The following SMTNL2 variants were observed in gnomAD, a reference collection of about 807,000 sequenced individuals.
SMTNL2 encodes smoothelin-like protein 2.
SMTNL2 carries 43 observed loss-of-function variants against 44.1 expected under a neutral mutation model. The ratio of observed to expected loss-of-function variants is 0.98; its 90% CI spans 0.76 to 1.26. SMTNL2 has a LOEUF of 1.26. SMTNL2 is among the 50% of genes most tolerant of loss of function. The pLI is 0.00. For synonymous variants in SMTNL2, 317 were observed against 287.6 expected (o/e 1.10, Z -1.03); for missense variants, 646 against 670.2 (o/e 0.96, Z 0.40).
chr17:4,590,621 G>A (rs1042637355), intron 1 of SMTNL2, among the ~76,000 whole-genome samples: 5 of 152,084 alleles, frequency 3.3e-5, no homozygotes, highest in Non-Finnish European at 7.4e-5. Flanking sequence ...GACCCACCAA[G>A]TCTGGGCTTG....
chr17:4,597,145 G>T, intron 6 of SMTNL2, 27 bp from the exon 7 acceptor site: 1 of 1,607,958 alleles, frequency 6.2e-7, no homozygotes, highest in African/African-American at 1.3e-5. Context: ...CTGCCCTCCC[G>T]CACTGACCCC....
intron 5 of SMTNL2, among the ~76,000 whole-genome samples, chr17:4,596,480 A>G (rs1437433174): frequency 2.0e-5 from 3 of 152,198 alleles, no homozygotes; most frequent in Non-Finnish European, 4.4e-5. Flanking sequence ...CAGAAGGAGG[A>G]GTGGGAGGAA....
intron 3 of SMTNL2, 106 bp downstream of exon 3, chr17:4,593,277 GC>G (rs1163178208): frequency 6.3e-6 from 9 of 1,435,916 alleles, no homozygotes; most frequent in Non-Finnish European, 8.3e-6. Context: ...AAAACGAGGG[GC>G]TAAGCCCAGC....
rs1909792595 is a variant in SMTNL2 at position 4,595,996 on chromosome 17, G to T, written c.989+669G>T. 1.5e-5 allele frequency among the ~76,000 whole-genome samples: 2 copies of T among 130,170 alleles called. No homozygotes were observed. The allele number at this position is 130,170 out of a possible 152,430, so 85.4% of individuals were successfully genotyped here. ...GTGTGCAGGGTGTGGCCCACGCGTG[G>T]TATTGATGCCTGCTGTGTGCAGGGT... On this transcript the variant is annotated intron_variant, in intron 5 of 7. Transcript: ENST00000389313. The surrounding 1 kb of genome is among the most constrained non-coding windows in gnomAD (Gnocchi z 5.1).
intron 1 of SMTNL2, among the ~76,000 whole-genome samples, chr17:4,590,260 C>T (rs1222076846): frequency 6.6e-6 from 1 of 152,118 alleles, no homozygotes; most frequent in Non-Finnish European, 1.5e-5. Context: ...AGCCACCGCG[C>T]CTGGCCCCGT....
At chr17:4,589,399 T>A (rs1909472018) in intron 1 of SMTNL2, among the ~76,000 whole-genome samples, 1 of 151,958 alleles carries the variant, frequency 6.6e-6, no homozygotes, top group Admixed American at 6.6e-5. Context: ...GGGGCCGGGG[T>A]TCCAGCTGGA....
At chr17:4,603,773 C>T (rs1015624595) in intron 7 of SMTNL2, among the ~76,000 whole-genome samples, 1 of 152,142 alleles carries the variant, frequency 6.6e-6, no homozygotes, top group Non-Finnish European at 1.5e-5. Flanking sequence ...AAGGAGGGCA[C>T]CAGATATGAA....
chr17:4,595,215 CA>C lies in SMTNL2; in HGVS notation c.878del (p.Gln293ArgfsTer9). ...GCCAGCCATAACTCAGGTCCATCGG[CA>C]GGGGGAGCGTCGCAGGGAGCTGGTG... ...QPPAITQVHR[Q>X]GERRRELVRS... On this transcript the variant is annotated frameshift_variant, in exon 5 of 8. Transcript: ENST00000389313. LOFTEE classifies it high-confidence loss of function. The surrounding 1 kb of genome is among the most constrained non-coding windows in gnomAD (Gnocchi z 5.1). 1 of 1,613,330 alleles carries C rather than the reference CA, an allele frequency of 6.2e-7. No homozygotes were observed. The highest frequency in any genetic ancestry group is 8.5e-7 in the Non-Finnish European group (1 of 1,179,996).
rs768264095 is a variant in SMTNL2, at chr17:4,593,862, C to G, written c.771C>G (p.Gly257=). 8 of 1,614,058 alleles carry G rather than the reference C, an allele frequency of 5.0e-6. No homozygotes were observed. In the South Asian group the frequency reaches 8.8e-5, roughly 18 times the overall value. ...TCACGTGGTCTGTGCCAAGCTCTGGCTATGGGGCAGTGACAGCAAGCAAAC... is the reference window on the plus strand; with the variant it reads ...TCACGTGGTCTGTGCCAAGCTCTGGGTATGGGGCAGTGACAGCAAGCAAAC... ...SSFTWSVPSS[G]YGAVTASKHS... is the part of the protein sequence containing the mutation. Residue 257 remains glycine, a synonymous_variant, in exon 4 of 8, where the codon GGC becomes GGG. Transcript: ENST00000389313.
intron 7 of SMTNL2, among the ~76,000 whole-genome samples, chr17:4,606,854 G>A (rs1408912451): frequency 6.6e-6 from 1 of 152,140 alleles, no homozygotes; most frequent in East Asian, 1.9e-4. Context: ...AGGTTGCAGT[G>A]AGCCAAGATT....
In SMTNL2 at chr17:4,597,018, T is replaced by A. The variant is rs765777741; in HGVS notation, c.1107+41T>A. 1.4e-5 allele frequency: 21 copies of A among 1,479,592 alleles called. No homozygotes were observed. The African/African-American group carries it at 2.8e-4, about 20-fold the overall frequency. 91.7% of individuals were successfully genotyped at this position (1,479,592 alleles called of 1,614,324 possible). ...CCTCCGGCTGCTGGGACGCCCCAGC[T>A]AAAAGCTTGACCAAGCGTCGCCCCT... On this transcript the variant is annotated intron_variant, in intron 6 of 7. Coordinates refer to ENST00000389313, the MANE Select transcript of SMTNL2 (RefSeq NM_001114974.2).
rs1011522246 is a variant in SMTNL2, at chr17:4,592,571, G to A, written c.487+123G>A. On this transcript the variant is annotated intron_variant, in intron 2 of 7. Coordinates refer to ENST00000389313, the MANE Select transcript of SMTNL2 (RefSeq NM_001114974.2). The surrounding 1 kb of genome is among the most constrained non-coding windows in gnomAD (Gnocchi z 4.5). ...CGGGGGGACTCTATCCTGAACCCCA[G>A]CAGGGAGAGAGGCTGCCAGGAGAGC... 4.5e-6 allele frequency: 4 copies of A among 888,668 alleles called. No homozygotes were observed. Among genetic ancestry groups the A allele is most frequent in the Non-Finnish European group, 5.1e-6 (3 of 590,558 alleles). 55.0% of individuals were successfully genotyped at this position (888,668 alleles called of 1,614,324 possible). A position where few individuals can be genotyped will look rare whatever the true frequency, so the allele number is the denominator to read the frequency against.
chr17:4,599,955 G>C (rs1909963046), intron 7 of SMTNL2, among the ~76,000 whole-genome samples: 1 of 152,226 alleles, frequency 6.6e-6, no homozygotes. Context: ...GGGGCAGGGA[G>C]GATGGGTCTG....
intron 7 of SMTNL2, among the ~76,000 whole-genome samples, chr17:4,604,207 G>A (rs1910169703): frequency 1.3e-5 from 2 of 152,200 alleles, no homozygotes; most frequent in Non-Finnish European, 2.9e-5. Flanking sequence ...GCTCGCATCA[G>A]AGGGCCAGCT....
At chr17:4,585,221 C>T (rs530252485) in intron 1 of SMTNL2, among the ~76,000 whole-genome samples, 4 of 152,360 alleles carry the variant, frequency 2.6e-5, no homozygotes, top group African/African-American at 9.6e-5. Context: ...CTTGGTCCTC[C>T]GCCCTGTTTT....
rs1489549255 is a variant in SMTNL2, at chr17:4,600,046, G to A, written c.1259+2723G>A. Among the ~76,000 whole-genome samples the A allele has an allele frequency of 6.6e-6, 1 of 152,182 alleles. No homozygotes were observed. Among genetic ancestry groups the A allele is most frequent in the Non-Finnish European group, 1.5e-5 (1 of 68,040 alleles). ...GGCGTCCACCGCAGGCCTGTGCCGG[G>A]GGGTCGGGGGAGTTTGCTCAGAGCC... On this transcript the variant is annotated intron_variant, in intron 7 of 7. Coordinates refer to ENST00000389313, the MANE Select transcript of SMTNL2 (RefSeq NM_001114974.2). The surrounding 1 kb of genome is among the most constrained non-coding windows in gnomAD (Gnocchi z 4.7).
chr17:4,606,596 A>T (rs1389131295), intron 7 of SMTNL2, among the ~76,000 whole-genome samples: 1 of 151,864 alleles, frequency 6.6e-6, no homozygotes, highest in African/African-American at 2.4e-5. Flanking sequence ...CCCCATCTCT[A>T]CAAAACTATT....
chr17:4,605,975 C>G (rs1237577916), intron 7 of SMTNL2, among the ~76,000 whole-genome samples: 1 of 152,198 alleles, frequency 6.6e-6, no homozygotes, highest in South Asian at 2.1e-4. Context: ...GTCCACGAGG[C>G]CTTCAGCCTC....
Position 4,595,364 on chromosome 17 carries a change from G to A in SMTNL2, c.989+37G>A, listed in dbSNP as rs770387561. 6.3e-6 allele frequency: 10 copies of A among 1,599,072 alleles called. No homozygotes were observed. Among genetic ancestry groups the A allele is most frequent in the African/African-American group, 5.4e-5 (4 of 74,758 alleles). ...CACTCACAGACAGGCCCGGCCCCACGGTGTGCCCAGACCCAGACGGGGCTT... is the reference window on the plus strand; with the variant it reads ...CACTCACAGACAGGCCCGGCCCCACAGTGTGCCCAGACCCAGACGGGGCTT... On this transcript the variant is annotated intron_variant, in intron 5 of 7. Transcript: ENST00000389313. This position sits in a 1 kb window ranked among gnomAD's most constrained non-coding sequence, Gnocchi z 5.1.
Sources: gnomAD v4.1 joint callset for allele counts (sites outside exome capture counted in the v4.1 genomes callset) on GRCh38, gnomAD v4.1.1 for gene constraint, Gnocchi (gnomAD v3.1) non-coding constraint, MANE v1.5 for transcripts, NCBI Gene and HGNC (gene_info 2026-07-23, HGNC 2026-07-21) for gene names.